Variants in UBR3 observed in about 807,000 individuals in gnomAD.
The protein encoded by UBR3 is ubiquitin protein ligase E3 component n-recognin 3, also known as E3 ubiquitin-protein ligase UBR3.
UBR3 carries 85 observed loss-of-function variants against 243.2 expected under a neutral mutation model. The ratio of observed to expected loss-of-function variants is 0.35; its 90% confidence interval spans 0.29 to 0.42. The LOEUF (loss-of-function observed/expected upper bound fraction) is 0.42, where lower values mean the gene tolerates loss of function less well. UBR3 is among the 10% of genes least tolerant of loss of function. The pLI, the probability that UBR3 is intolerant of heterozygous loss-of-function variation, is 1.00. For missense variants in UBR3, 1,686 were observed against 2,300.8 expected (o/e 0.73, Z 5.47); for synonymous variants, 748 against 799.8 (o/e 0.94, Z 1.09).
rs1004276333 is a variant in UBR3 at position 169,874,776 on chromosome 2, G to A, written c.686-1015G>A. Among the ~76,000 whole-genome samples the A allele has an allele frequency of 2.4e-4, 37 of 152,136 alleles. 1 individual carries two copies. Among genetic ancestry groups the A allele is most frequent in the South Asian group, 6.2e-4 (3 of 4,824 alleles). ...CTGAGAAAGTAGGTTTTGAGATTCT[G>A]AATAAATGTTGAATGAAATGGACAT... On this transcript the variant is annotated intron_variant, in intron 2 of 38. Transcript: ENST00000272793.
intron 16 of UBR3, 42 bp downstream of exon 16, chr2:169,927,013 C>T: frequency 6.5e-7 from 1 of 1,529,322 alleles, no homozygotes. Flanking sequence ...TAACTGTTTT[C>T]CTCCCTTTCT....
At chr2:169,923,164 A>G (rs1226926630) in intron 11 of UBR3, among the ~76,000 whole-genome samples, 1 of 152,216 alleles carries the variant, frequency 6.6e-6, no homozygotes, top group Non-Finnish European at 1.5e-5. Flanking sequence ...GGAATGCCTA[A>G]GGTCATTCAC....
chr2:170,064,305 C>T (rs150661069), intron 35 of UBR3, among the ~76,000 whole-genome samples: 6 of 152,062 alleles, frequency 3.9e-5, no homozygotes, highest in East Asian at 1.9e-4. Flanking sequence ...GTTGTTAGAA[C>T]GATTACCTTT....
chr2:170,053,600 G>A (rs115215489), intron 32 of UBR3, among the ~76,000 whole-genome samples: 1 of 152,202 alleles, frequency 6.6e-6, no homozygotes, highest in African/African-American at 2.4e-5. Flanking sequence ...CATCAAACCT[G>A]GCAGTGGTCT....
chr2:170,014,695 C>T (rs1257309484), intron 29 of UBR3: 1 of 152,352 alleles, frequency 6.6e-6, no homozygotes, highest in Non-Finnish European at 1.5e-5. Flanking sequence ...TCAGTAGTTA[C>T]ACAGTGTATT....
At chr2:169,950,140 G>A in intron 23 of UBR3, 75 bp downstream of exon 23, 1 of 1,353,120 alleles carries the variant, frequency 7.4e-7, no homozygotes, top group Non-Finnish European at 1.0e-6. Flanking sequence ...GGTCATTTGA[G>A]GATAATCACC....
chr2:170,067,691 G>C (rs1419762134), intron 35 of UBR3, among the ~76,000 whole-genome samples: 1 of 151,340 alleles, frequency 6.6e-6, no homozygotes, highest in Non-Finnish European at 1.5e-5. Flanking sequence ...ATTAATAACA[G>C]ATAGAAAATC....
chr2:169,966,413 G>C (rs1284718353), intron 24 of UBR3, among the ~76,000 whole-genome samples: 3 of 152,146 alleles, frequency 2.0e-5, no homozygotes, highest in Admixed American at 2.0e-4. Flanking sequence ...AAAGCCTCAA[G>C]AAGGAACAAT....
chr2:169,981,546 G>A (rs757479894), intron 24 of UBR3, among the ~76,000 whole-genome samples: 4 of 152,034 alleles, frequency 2.6e-5, no homozygotes, highest in Non-Finnish European at 4.4e-5. Flanking sequence ...CTGAGAAACT[G>A]TCACAGTTTC....
intron 1 of UBR3, among the ~76,000 whole-genome samples, chr2:169,849,189 C>T (rs963719360): frequency 5.9e-5 from 9 of 152,264 alleles, no homozygotes; most frequent in Admixed American, 2.6e-4. Context: ...GTTTTTGTAA[C>T]GAGTTGTTTG....
At chr2:170,022,793 A>C (rs2090426794) in intron 30 of UBR3, among the ~76,000 whole-genome samples, 1 of 152,016 alleles carries the variant, frequency 6.6e-6, no homozygotes, top group Non-Finnish European at 1.5e-5. Flanking sequence ...CCTTGCCTGG[A>C]GTGCTTAGGA....
At chr2:169,870,682 G>A (rs2083406155) in intron 1 of UBR3, among the ~76,000 whole-genome samples, 1 of 151,436 alleles carries the variant, frequency 6.6e-6, no homozygotes, top group Non-Finnish European at 1.5e-5. Context: ...GAGACAGACT[G>A]TCACTTAGTC....
At chr2:169,850,392 T>G (rs1452379305) in intron 1 of UBR3, among the ~76,000 whole-genome samples, 4 of 152,142 alleles carry the variant, frequency 2.6e-5, no homozygotes, top group Non-Finnish European at 4.4e-5. Flanking sequence ...TTGGCCAGGC[T>G]GGTCTTGAAC....
chr2:169,866,757 G>A (rs2083279435), intron 1 of UBR3, among the ~76,000 whole-genome samples: 2 of 152,152 alleles, frequency 1.3e-5, no homozygotes, highest in South Asian at 4.1e-4. Flanking sequence ...TGGCAGATGT[G>A]GAAAATAGTA....
At chr2:169,889,087 G>T (rs1050837146) in intron 5 of UBR3, among the ~76,000 whole-genome samples, 3 of 152,038 alleles carry the variant, frequency 2.0e-5, no homozygotes, top group African/African-American at 7.2e-5. Flanking sequence ...CTCACCATTG[G>T]TATGTAAGAG....
chr2:169,972,860 A>G (rs930599933), intron 24 of UBR3, among the ~76,000 whole-genome samples: 4 of 151,624 alleles, frequency 2.6e-5, no homozygotes, highest in African/African-American at 9.7e-5. Flanking sequence ...GGCACAAGAC[A>G]GGGATGCCCT....
intron 24 of UBR3, among the ~76,000 whole-genome samples, chr2:169,984,019 C>G (rs937476245): frequency 1.3e-5 from 2 of 152,082 alleles, no homozygotes; most frequent in Non-Finnish European, 2.9e-5. Context: ...GATTTGTCAT[C>G]TTTGACTATT....
At chr2:169,847,102 TGTGTGTGTGTGTGTGTGTGTGTGC>T (rs1046447225) in intron 1 of UBR3, among the ~76,000 whole-genome samples, 23 of 65,052 alleles carry the variant, frequency 3.5e-4, no homozygotes, top group Admixed American at 6.5e-4. Context: ...TGTGTGTGTG[TGTGTGTGTGTGTGTGTGTGTGTGC>T]GCTGGCAGTT....
At chr2:170,001,253 T>C (rs1413742590) in intron 26 of UBR3, 51 bp from the exon 27 acceptor site, 1 of 1,275,482 alleles carries the variant, frequency 7.8e-7, no homozygotes, top group African/African-American at 1.5e-5. Flanking sequence ...TATTTAAATA[T>C]GTTTGTACTT....
Sources: gnomAD v4.1 joint callset for allele counts (sites outside exome capture counted in the v4.1 genomes callset) on GRCh38, gnomAD v4.1.1 for gene constraint, MANE v1.5 for transcripts, NCBI Gene and HGNC (gene_info 2026-07-23, HGNC 2026-07-21) for gene names.